Variants in SPRY3 observed in about 807,000 individuals in gnomAD.
SPRY3 encodes the protein sprouty RTK signaling antagonist 3.
A neutral mutation model predicts 20.2 loss-of-function variants in SPRY3; 15 were observed. The observed-to-expected ratio is 0.74, with a 90% CI of 0.50 to 1.14. The LOEUF (loss-of-function observed/expected upper bound fraction) is 1.14. Among genes scored for constraint, SPRY3 ranks in the 50% most tolerant of loss-of-function variants. SPRY3 has a pLI of 0.00. For missense variants in SPRY3, 364 were observed against 363.9 expected (o/e 1.00, Z 0.00); for synonymous variants, 143 against 136.5 (o/e 1.05, Z -0.33).
chrX:155,686,799 C>T (rs1291764677), intron 2 of SPRY3, among the ~76,000 whole-genome samples: 1 of 112,388 alleles, frequency 8.9e-6, no homozygotes, highest in Non-Finnish European at 1.9e-5. Context: ...ATGTTCCCTT[C>T]TCTCAGAGTT....
chrX:155,628,734 G>A (rs1557350184), intron 1 of SPRY3, among the ~76,000 whole-genome samples: 1 of 111,720 alleles, frequency 9.0e-6, no homozygotes, highest in Non-Finnish European at 1.9e-5. Flanking sequence ...TCCATAGTTA[G>A]TATACTAATT....
chrX:155,681,655 A>G (rs1296541746), intron 2 of SPRY3, among the ~76,000 whole-genome samples: 1 of 112,464 alleles, frequency 8.9e-6, no homozygotes, highest in Non-Finnish European at 1.9e-5. Context: ...GAATACATGA[A>G]TGATTAGAAA....
intron 2 of SPRY3, among the ~76,000 whole-genome samples, chrX:155,682,534 T>G (rs1055412412): frequency 9.0e-6 from 1 of 111,503 alleles, no homozygotes; most frequent in African/African-American, 3.3e-5. Flanking sequence ...TTAAAAACAT[T>G]TTTTGAGGCA....
chrX:155,676,981 C>T (rs775784104), intron 2 of SPRY3, among the ~76,000 whole-genome samples: 11 of 111,739 alleles, frequency 9.8e-5, no homozygotes, highest in South Asian at 3.7e-4. Context: ...TTGTGTTATT[C>T]CTGTGTTTTT....
downstream of SPRY3, chrX:155,780,378 C>A (rs2124044387): frequency 6.0e-6 from 1 of 166,970 alleles, no homozygotes; most frequent in African/African-American, 2.4e-5. Flanking sequence ...ATATGTGAAC[C>A]CTGAAGAGTC....
At chrX:155,750,278 C>CG (rs2091255238) in intron 2 of SPRY3, among the ~76,000 whole-genome samples, 1 of 151,498 alleles carries the variant, frequency 6.6e-6, no homozygotes, top group Admixed American at 6.6e-5. Flanking sequence ...GAGACTAGTG[C>CG]GGGGGGAAGG....
intron 2 of SPRY3, among the ~76,000 whole-genome samples, chrX:155,703,814 T>C (rs989982478): frequency 6.6e-6 from 1 of 152,008 alleles, no homozygotes; most frequent in African/African-American, 2.4e-5. Context: ...TGGTATGTGG[T>C]GTCTTTGTTC....
intron 1 of SPRY3, among the ~76,000 whole-genome samples, chrX:155,623,053 A>G (rs2067876632): frequency 9.0e-6 from 1 of 111,706 alleles, no homozygotes; most frequent in South Asian, 3.7e-4. Flanking sequence ...CCATCACTGA[A>G]CCTCACAGTG....
chrX:155,743,678 A>C (rs191277421), intron 2 of SPRY3, among the ~76,000 whole-genome samples: 1 of 152,222 alleles, frequency 6.6e-6, no homozygotes, highest in East Asian at 1.9e-4. Context: ...GTAAATTTTA[A>C]ACACCAAATA....
intron 1 of SPRY3, among the ~76,000 whole-genome samples, chrX:155,645,799 C>T (rs1305737485): frequency 2.7e-5 from 3 of 111,751 alleles, no homozygotes; most frequent in African/African-American, 6.5e-5. Context: ...GAGTGCTCAC[C>T]TGATTTTTGG....
chrX:155,733,350 T>C (rs2091146951), intron 2 of SPRY3, among the ~76,000 whole-genome samples: 1 of 144,612 alleles, frequency 6.9e-6, no homozygotes, highest in Admixed American at 7.0e-5. Context: ...CTGATATATA[T>C]ATACATATAT....
chrX:155,633,179 A>C (rs983620151), intron 1 of SPRY3, among the ~76,000 whole-genome samples: 7 of 110,130 alleles, frequency 6.4e-5, no homozygotes, highest in African/African-American at 2.3e-4. Flanking sequence ...GGTTTGATAG[A>C]AACTTGACTT....
chrX:155,650,647 GCAGCAGCCGTGTGGTGTA>G (rs2067974217), intron 1 of SPRY3, among the ~76,000 whole-genome samples: 3 of 111,531 alleles, frequency 2.7e-5, no homozygotes, highest in African/African-American at 9.8e-5. Context: ...GTACATTTGT[GCAGCAGCCGTGTGGTGTA>G]CCACCTTGCT....
At chrX:155,658,799 C>T (rs782286780) in intron 2 of SPRY3, among the ~76,000 whole-genome samples, 1 of 111,791 alleles carries the variant, frequency 8.9e-6, no homozygotes, top group South Asian at 3.7e-4. Context: ...TTTACCCATT[C>T]GGTATGATGT....
intron 2 of SPRY3, among the ~76,000 whole-genome samples, chrX:155,723,521 C>A (rs1439296367): frequency 6.6e-6 from 1 of 152,212 alleles, no homozygotes; most frequent in East Asian, 1.9e-4. Flanking sequence ...ATTTGCATTT[C>A]TCTGATGACC....
intron 2 of SPRY3, among the ~76,000 whole-genome samples, chrX:155,746,345 T>G (rs2091226081): frequency 6.6e-6 from 1 of 152,054 alleles, no homozygotes; most frequent in Non-Finnish European, 1.5e-5. Flanking sequence ...TCTTTGATTT[T>G]TAGAAATTAT....
At chrX:155,762,553 C>T (rs1200125272) in intron 2 of SPRY3, among the ~76,000 whole-genome samples, 1 of 152,076 alleles carries the variant, frequency 6.6e-6, no homozygotes, top group Non-Finnish European at 1.5e-5. Flanking sequence ...GATGCTAAAG[C>T]TTCAAACTTG....
At chrX:155,642,996 G>A (rs1219449789) in intron 1 of SPRY3, among the ~76,000 whole-genome samples, 1 of 111,802 alleles carries the variant, frequency 8.9e-6, no homozygotes, top group Non-Finnish European at 1.9e-5. Context: ...GGTCCATTTG[G>A]TCTATAGTGC....
chrX:155,716,982 AT>A (rs746767706), intron 2 of SPRY3, among the ~76,000 whole-genome samples: 34,431 of 89,136 alleles, frequency 0.39, 6,096 homozygotes, highest in African/African-American at 0.56. Flanking sequence ...AAAATACAAA[AT>A]ATATATATAT....
Sources: allele counts gnomAD v4.1 joint callset (sites outside exome capture counted in the v4.1 genomes callset), GRCh38; gene constraint gnomAD v4.1.1; transcripts MANE v1.5; gene names NCBI Gene and HGNC (gene_info 2026-07-23, HGNC 2026-07-21).